The following EML5 variants were observed in gnomAD, a reference collection of about 807,000 sequenced individuals.
The protein encoded by EML5 is echinoderm microtubule-associated protein-like 5.
A neutral mutation model predicts 250.0 loss-of-function variants in EML5; 120 were observed. The observed-to-expected ratio is 0.48, with a 90% CI of 0.41 to 0.56. EML5 has a LOEUF of 0.56. EML5 is among the 20% of genes least tolerant of loss of function. The pLI, the probability that EML5 is intolerant of heterozygous loss-of-function variation, is 0.00. For synonymous variants in EML5, 771 were observed against 806.5 expected (o/e 0.96, Z 0.75); for missense variants, 2,006 against 2,437.6 (o/e 0.82, Z 3.73).
chr14:88,764,762 A>T (rs2094297666), intron 1 of EML5, among the ~76,000 whole-genome samples: 1 of 152,142 alleles, frequency 6.6e-6, no homozygotes, highest in Non-Finnish European at 1.5e-5. Context: ...AAATTTTGAT[A>T]TGTTGTATTT....
intron 25 of EML5, 147 bp downstream of exon 25, chr14:88,661,507 A>C (rs2092099275): frequency 1.5e-6 from 1 of 686,430 alleles, no homozygotes; most frequent in African/African-American, 1.8e-5. Context: ...TAAAAGCTAT[A>C]GATATGAAAC....
rs191090563 is a variant in EML5 at position 88,655,523 on chromosome 14, C to T, written c.4004+1853G>A. 1.5e-3 allele frequency among the ~76,000 whole-genome samples: 230 copies of T among 152,108 alleles called. 3 individuals are homozygous for T. The Middle Eastern group carries it at 0.024, about 16-fold the overall frequency. ...ACATAAGACCTAAAACCATAAAAAC[C>T]CTAAAAGAAAACCTAGCTAATACCA... On this transcript the variant is annotated intron_variant, in intron 27 of 43. Transcript: ENST00000554922.
At chr14:88,718,359 A>G (rs1460675973) in intron 8 of EML5, among the ~76,000 whole-genome samples, 13 of 152,206 alleles carry the variant, frequency 8.5e-5, no homozygotes, top group Non-Finnish European at 1.5e-4. Context: ...AACATAGAGT[A>G]AAAAGAAGAG....
chr14:88,729,638 C>T (rs751511724), intron 7 of EML5, among the ~76,000 whole-genome samples: 4 of 151,914 alleles, frequency 2.6e-5, no homozygotes, highest in Non-Finnish European at 5.9e-5. Flanking sequence ...TAGTTCACTG[C>T]AACCTCCGCC....
chr14:88,772,500 G>A (rs898841220), intron 1 of EML5, among the ~76,000 whole-genome samples: 1 of 152,222 alleles, frequency 6.6e-6, no homozygotes, highest in Non-Finnish European at 1.5e-5. Context: ...GCTCATGCCT[G>A]TAACAGCACT....
At chr14:88,644,645 T>C (rs983104874) in intron 29 of EML5, 134 bp from the exon 30 acceptor site, 13 of 630,644 alleles carry the variant, frequency 2.1e-5, no homozygotes, top group African/African-American at 1.7e-4. Flanking sequence ...TCCACTAGAC[T>C]GCCCTCTTCA....
chr14:88,756,493 A>G (rs145931351), intron 1 of EML5, among the ~76,000 whole-genome samples: 1 of 152,304 alleles, frequency 6.6e-6, no homozygotes, highest in African/African-American at 2.4e-5. Flanking sequence ...TAGATATTCT[A>G]GCCAAGAAAA....
chr14:88,675,763 T>A (rs765834735), intron 21 of EML5, among the ~76,000 whole-genome samples: 1 of 152,192 alleles, frequency 6.6e-6, no homozygotes, highest in African/African-American at 2.4e-5. Flanking sequence ...TGGTTCCCTT[T>A]AAAAACTGAA....
At chr14:88,648,798 C>T (rs927916274) in intron 28 of EML5, among the ~76,000 whole-genome samples, 3 of 151,978 alleles carry the variant, frequency 2.0e-5, no homozygotes, top group Admixed American at 6.6e-5. Context: ...AGGCTAGATC[C>T]GGGTGCTTTA....
At position 88,791,408 on chromosome 14, in the gene EML5, A is replaced by G. The variant is rs556691109; in HGVS notation, c.197+899T>C. Among the ~76,000 whole-genome samples the G allele has an allele frequency of 6.6e-5, 10 of 152,352 alleles. No homozygotes were observed. In the South Asian group the frequency reaches 1.0e-3, roughly 16 times the overall value. On this transcript the variant is annotated intron_variant, in intron 1 of 43. Coordinates refer to ENST00000554922, the MANE Select transcript of EML5 (RefSeq NM_183387.3). The stretch of plus-strand genomic sequence containing the variant: ...TATTTTCCTCTGTAAAGGACAAAAA[A>G]TGCTGTGCTTGAGGCAATAATCAGT...
At chr14:88,692,663 A>C (rs2092987607) in intron 17 of EML5, among the ~76,000 whole-genome samples, 1 of 152,218 alleles carries the variant, frequency 6.6e-6, no homozygotes, top group South Asian at 2.1e-4. Context: ...GTACAACTGT[A>C]GTATATGCTG....
At chr14:88,727,488 G>A (rs1023545493) in intron 7 of EML5, among the ~76,000 whole-genome samples, 3 of 142,854 alleles carry the variant, frequency 2.1e-5, no homozygotes, top group Non-Finnish European at 4.5e-5. Flanking sequence ...TGCAACCTCC[G>A]CCTCCCGGGT....
chr14:88,621,449 A>T, intron 37 of EML5, 148 bp from the exon 38 acceptor site: 1 of 805,578 alleles, frequency 1.2e-6, no homozygotes, highest in Non-Finnish European at 2.0e-6. Flanking sequence ...GCTCATGCAA[A>T]TTTTTCTATG....
At chr14:88,665,026 G>C (rs2092265049) in intron 22 of EML5, among the ~76,000 whole-genome samples, 1 of 152,156 alleles carries the variant, frequency 6.6e-6, no homozygotes, top group Non-Finnish European at 1.5e-5. Flanking sequence ...AGTAAAATGA[G>C]TGCAATTTCA....
chr14:88,787,610 C>T (rs1411995465), intron 1 of EML5, among the ~76,000 whole-genome samples: 1 of 152,110 alleles, frequency 6.6e-6, no homozygotes, highest in Non-Finnish European at 1.5e-5. Context: ...TCCTACTTTT[C>T]CTGGAAAACA....
chr14:88,634,477 T>A lies in EML5; in HGVS notation c.4349A>T (p.Asp1450Val), dbSNP rs756959524. The change falls in exon 33 of 44, where the codon GAC (aspartate) becomes GTC (valine). Residue 1450 changes from aspartate (D) to valine (V), a missense_variant. Physicochemically the swap from Asp to Val is radical, Grantham distance 152 (BLOSUM62 -3). This residue lies in a region of EML5 where 1,375 missense variants were observed against 1,590.3 expected (regional missense o/e 0.86). Transcript: ENST00000554922. ...TGTTTAGTTTTCCTTACCTGACATG[T>A]CTGCTGAATCACCTATAATGGAAAA... is the stretch of plus-strand genomic sequence containing the variant. Reference protein sequence around the residue: ...VATGQVGDSADMSATAPSIHI... With the variant: ...VATGQVGDSAVMSATAPSIHI... 1.5e-4 allele frequency: 220 copies of A among 1,473,454 alleles called. No homozygotes were observed. Among genetic ancestry groups the A allele is most frequent in the Middle Eastern group, 6.9e-4 (4 of 5,808 alleles). 91.3% of individuals were successfully genotyped at this position (1,473,454 alleles called of 1,614,324 possible).
At chr14:88,693,458 C>A (rs2093004454) in intron 17 of EML5, among the ~76,000 whole-genome samples, 1 of 152,180 alleles carries the variant, frequency 6.6e-6, no homozygotes, top group Non-Finnish European at 1.5e-5. Context: ...TTCACTTCCA[C>A]AAGAACAGTA....
intron 33 of EML5, among the ~76,000 whole-genome samples, chr14:88,631,862 TATTCTCCCAC>T (rs1193031563): frequency 2.6e-5 from 4 of 152,196 alleles, no homozygotes; most frequent in Non-Finnish European, 5.9e-5. Context: ...CTAATGTATT[TATTCTCCCAC>T]ATTGCAAAGT....
At chr14:88,740,695 G>A in intron 4 of EML5, 123 bp from the exon 5 acceptor site, 2 of 802,536 alleles carry the variant, frequency 2.5e-6, no homozygotes, top group East Asian at 5.3e-5. Flanking sequence ...ATTGCCTTAT[G>A]ATAAAATAGC....
Sources: gnomAD v4.1 joint callset for allele counts (sites outside exome capture counted in the v4.1 genomes callset) on GRCh38, gnomAD v4.1.1 for gene constraint, gnomAD v4.1.1 regional missense constraint, MANE v1.5 for transcripts, NCBI Gene and HGNC (gene_info 2026-07-23, HGNC 2026-07-21) for gene names.